PF4: variants seen among roughly 807,000 people sequenced by gnomAD.
PF4 encodes C-X-C motif chemokine 4.
PF4 carries 8 observed loss-of-function variants against 6.9 expected under a neutral mutation model. That is an observed-to-expected ratio of 1.16 (90% CI 0.68 to 2.09). PF4 has a LOEUF of 2.09. PF4 is among the 30% of genes most tolerant of loss of function. The pLI is 0.00. For missense variants in PF4, 111 were observed against 122.9 expected, an observed-to-expected ratio of 0.90 and a Z score of 0.46; for synonymous variants, 55 against 56.5, an observed-to-expected ratio of 0.97 and a Z score of 0.12.
chr4:73,981,294 G>T lies in PF4; in HGVS notation c.219-3C>A. ...TCCTTCCATTCTTCAGCGTGGCTCTGGCAGGGAAAAGAGAAGAGATGTGAC... is the reference window on the plus strand; with the variant it reads ...TCCTTCCATTCTTCAGCGTGGCTCTTGCAGGGAAAAGAGAAGAGATGTGAC... On this transcript the variant is annotated splice_region_variant and splice_polypyrimidine_tract_variant and intron_variant, in intron 2 of 2. Transcript: ENST00000296029. The T allele has an allele frequency of 8.1e-6, 13 of 1,614,164 alleles. No homozygotes were observed. Among genetic ancestry groups the T allele is most frequent in the Non-Finnish European group, 1.0e-5 (12 of 1,179,988 alleles).
Position 73,981,432 on chromosome 4 carries a change from G to C in PF4, c.203C>G (p.Pro68Arg). 2 of 1,614,188 alleles carry C rather than the reference G, an allele frequency of 1.2e-6. No individual in the cohort carries two copies. Among genetic ancestry groups the C allele is most frequent in the Non-Finnish European group, 1.7e-6 (2 of 1,180,038 alleles). Residue 68 changes from proline (P) to arginine (R), a missense_variant, in exon 2 of 3, where the codon CCC becomes CGC. Physicochemically the swap from Pro to Arg is moderately radical, Grantham distance 103. Coordinates refer to ENST00000296029, the MANE Select transcript of PF4 (RefSeq NM_002619.4). ...AAGGACTCACATCAGTTGGGCAGTG[G>C]GGCAGTGGGGTCCGGCCTTGATCAC... is the stretch of plus-strand genomic sequence containing the variant. ...LEVIKAGPHC[P>R]TAQLIATLKN...
chr4:73,981,988 C>G lies in PF4; in HGVS notation c.-35G>C, dbSNP rs1464872551. On this transcript the variant is annotated 5_prime_UTR_variant, in exon 1 of 3. Transcript: ENST00000296029. ...GAGCTTCCAGCAGGATCTCAGTGCTCAGTGCGATGGGAAACTCGGGCTGGG... is the reference window on the plus strand; with the variant it reads ...GAGCTTCCAGCAGGATCTCAGTGCTGAGTGCGATGGGAAACTCGGGCTGGG... 1 of 1,527,696 alleles carries G rather than the reference C, an allele frequency of 6.5e-7. No individual in the cohort carries two copies. The highest frequency in any genetic ancestry group is 1.4e-5 in the African/African-American group (1 of 72,306). 94.6% of individuals were successfully genotyped at this position (1,527,696 alleles called of 1,614,324 possible). A position where few individuals can be genotyped will look rare whatever the true frequency, so the allele number is the denominator to read the frequency against.
rs1039742157 is a variant in PF4 at position 73,981,938 on chromosome 4, C to T, written c.16G>A (p.Gly6Arg). Residue 6 changes from glycine to arginine, a missense_variant, in exon 1 of 3, where the codon GGG (glycine) becomes AGG (arginine). Coordinates refer to ENST00000296029, the MANE Select transcript of PF4 (RefSeq NM_002619.4). Reference sequence around the variant, plus strand: ...AGCCCGGGGCGTGAGGCGCAGAACCCGGCTGCGGAGCTCATGCTGCGGCAG... The same window carrying T: ...AGCCCGGGGCGTGAGGCGCAGAACCTGGCTGCGGAGCTCATGCTGCGGCAG... Reference protein sequence around the residue: MSSAAGFCASRPGLLF... With the variant: MSSAARFCASRPGLLF... 14 of 1,550,752 alleles carry T rather than the reference C, an allele frequency of 9.0e-6. No individual in the cohort carries two copies. Among genetic ancestry groups the T allele is most frequent in the African/African-American group, 2.7e-5 (2 of 72,882 alleles).
In PF4 at chr4:73,981,077, T is replaced by C; in HGVS notation, c.*127A>G. On this transcript the variant is annotated 3_prime_UTR_variant, in exon 3 of 3. Coordinates refer to ENST00000296029, the MANE Select transcript of PF4 (RefSeq NM_002619.4). ...AGAAGTATTTTGACTATACTACAAC[T>C]TGATTTATTTTGTTTATTTAAAATC... 1 of 707,420 alleles carries C rather than the reference T, an allele frequency of 1.4e-6. No homozygotes were observed. The allele number at this position is 707,420 out of a possible 1,614,324, so 43.8% of individuals were successfully genotyped here. A position where few individuals can be genotyped will look rare whatever the true frequency, so the allele number is the denominator to read the frequency against.
chr4:73,981,708 G>GC, intron 1 of PF4, 155 bp downstream of exon 1: 1 of 985,412 alleles, frequency 1.0e-6, no homozygotes, highest in South Asian at 4.7e-5. Context: ...GGTGGGAGGT[G>GC]CAGGTGCAGC....
upstream of PF4, chr4:73,982,063 C>G: frequency 1.2e-6 from 1 of 863,298 alleles, no homozygotes; most frequent in Non-Finnish European, 1.8e-6. Flanking sequence ...TTATTCCCGG[C>G]TGTCCTTCCA....
rs1317048279 is a variant in PF4 at position 73,981,080 on chromosome 4, ATTTAT to A, written c.*119_*123del. ...AGTATTTTGACTATACTACAACTTG[ATTTAT>A]TTTGTTTATTTAAAATCATAAGGAT... On this transcript the variant is annotated 3_prime_UTR_variant, in exon 3 of 3. Transcript: ENST00000296029. 1.4e-6 allele frequency: 1 copy of A among 718,348 alleles called. No individual in the cohort carries two copies. Among genetic ancestry groups the A allele is most frequent in the South Asian group, 1.9e-5 (1 of 51,710 alleles). 44.5% of individuals were successfully genotyped at this position (718,348 alleles called of 1,614,324 possible). A position where few individuals can be genotyped will look rare whatever the true frequency, so the allele number is the denominator to read the frequency against.
rs1321931468 is a variant in PF4 at position 73,981,072 on chromosome 4, A to T, written c.*132T>A. The T allele has an allele frequency of 4.3e-6, 3 of 697,560 alleles. No individual in the cohort carries two copies. Among genetic ancestry groups the T allele is most frequent in the Non-Finnish European group, 7.2e-6 (3 of 416,344 alleles). The allele number at this position is 697,560 out of a possible 1,614,324, so 43.2% of individuals were successfully genotyped here. A position where few individuals can be genotyped will look rare whatever the true frequency, so the allele number is the denominator to read the frequency against. ...TATTAAGAAGTATTTTGACTATACT[A>T]CAACTTGATTTATTTTGTTTATTTA... On this transcript the variant is annotated 3_prime_UTR_variant, in exon 3 of 3. Coordinates refer to ENST00000296029, the MANE Select transcript of PF4 (RefSeq NM_002619.4).
chr4:73,982,112 C>A, upstream of PF4: 1 of 319,516 alleles, frequency 3.1e-6, no homozygotes, highest in Non-Finnish European at 5.8e-6. Flanking sequence ...AACTGCGGTG[C>A]GGAAACTAAG....
chr4:73,980,997 AT>A lies in PF4; in HGVS notation c.*206del, dbSNP rs1237238873. ...AATACTTTTTGCTTAAAATACCGGA[AT>A]TTTTTTCTTCCATGAAATTGTTATG... On this transcript the variant is annotated 3_prime_UTR_variant, in exon 3 of 3. Coordinates refer to ENST00000296029, the MANE Select transcript of PF4 (RefSeq NM_002619.4). The A allele has an allele frequency of 5.4e-6, 3 of 553,208 alleles. No individual in the cohort carries two copies. The highest frequency in any genetic ancestry group is 9.6e-6 in the Non-Finnish European group (3 of 313,152). 34.3% of individuals were successfully genotyped at this position (553,208 alleles called of 1,614,324 possible).
At position 73,981,409 on chromosome 4, in the gene PF4, G is replaced by A. The variant is rs780687568; in HGVS notation, c.218+8C>T. 5.6e-6 allele frequency: 9 copies of A among 1,614,222 alleles called. No individual in the cohort carries two copies. Among genetic ancestry groups the A allele is most frequent in the Middle Eastern group, 1.6e-4 (1 of 6,062 alleles). On this transcript the variant is annotated splice_region_variant and intron_variant, in intron 2 of 2. Transcript: ENST00000296029. ...GGGAGCACTGACAGATGCAGTGCAA[G>A]GACTCACATCAGTTGGGCAGTGGGG...
chr4:73,980,998 T>A lies in PF4; in HGVS notation c.*206A>T, dbSNP rs1337688338. On this transcript the variant is annotated 3_prime_UTR_variant, in exon 3 of 3. Transcript: ENST00000296029. ...ATACTTTTTGCTTAAAATACCGGAATTTTTTTCTTCCATGAAATTGTTATG... is the reference window on the plus strand; with the variant it reads ...ATACTTTTTGCTTAAAATACCGGAAATTTTTTCTTCCATGAAATTGTTATG... 1.8e-6 allele frequency: 1 copy of A among 555,836 alleles called. No homozygotes were observed. Among genetic ancestry groups the A allele is most frequent in the Non-Finnish European group, 3.2e-6 (1 of 314,696 alleles). 34.4% of individuals were successfully genotyped at this position (555,836 alleles called of 1,614,324 possible). A position where few individuals can be genotyped will look rare whatever the true frequency, so the allele number is the denominator to read the frequency against.
In PF4 at chr4:73,981,260, A is replaced by G. The variant is rs201899718; in HGVS notation, c.250T>C (p.Leu84=). 29 of 1,614,124 alleles carry G rather than the reference A, an allele frequency of 1.8e-5. No homozygotes were observed. Among genetic ancestry groups the G allele is most frequent in the Middle Eastern group, 3.3e-4 (2 of 6,084 alleles). Residue 84 remains leucine, a synonymous_variant, in exon 3 of 3, where the codon TTG becomes CTG. Coordinates refer to ENST00000296029, the MANE Select transcript of PF4 (RefSeq NM_002619.4). ...ATLKNGRKIC[L]DLQAPLYKKI... Reference sequence around the variant, plus strand: ...TTGTACAGCGGGGCTTGCAGGTCCAAGCAAATTTTCCTTCCATTCTTCAGC... The same window carrying G: ...TTGTACAGCGGGGCTTGCAGGTCCAGGCAAATTTTCCTTCCATTCTTCAGC...
chr4:73,981,509 C>A lies in PF4; in HGVS notation c.126G>T (p.Leu42=). ...EAEEDGDLQC[L]CVKTTSQVRP... ...GGACCTGGGAGGTGGTCTTCACACA[C>A]AGGCACTGCAGGTCCCCATCTTCTT... The change falls in exon 2 of 3, where the codon CTG becomes CTT. Residue 42 remains leucine, a synonymous_variant. Transcript: ENST00000296029. 6.2e-7 allele frequency: 1 copy of A among 1,614,018 alleles called. No homozygotes were observed. The highest frequency in any genetic ancestry group is 8.5e-7 in the Non-Finnish European group (1 of 1,179,942).
chr4:73,981,719 G>A (rs935575125), intron 1 of PF4, 144 bp downstream of exon 1: 24 of 1,474,974 alleles, frequency 1.6e-5, no homozygotes, highest in African/African-American at 1.1e-4. Flanking sequence ...CAGGTGCAGC[G>A]CCTGGCACTG....
Position 73,980,991 on chromosome 4 carries a change from A to G in PF4, c.*213T>C. The G allele has an allele frequency of 1.8e-6, 1 of 547,642 alleles. No homozygotes were observed. Among genetic ancestry groups the G allele is most frequent in the South Asian group, 2.4e-5 (1 of 41,836 alleles). The allele number at this position is 547,642 out of a possible 1,614,324, so 33.9% of individuals were successfully genotyped here. On this transcript the variant is annotated 3_prime_UTR_variant, in exon 3 of 3. Coordinates refer to ENST00000296029, the MANE Select transcript of PF4 (RefSeq NM_002619.4). ...CTTCAAAATACTTTTTGCTTAAAATACCGGAATTTTTTTCTTCCATGAAAT... is the reference window on the plus strand; with the variant it reads ...CTTCAAAATACTTTTTGCTTAAAATGCCGGAATTTTTTTCTTCCATGAAAT...
At position 73,981,168 on chromosome 4, in the gene PF4, C is replaced by A; in HGVS notation, c.*36G>T. On this transcript the variant is annotated 3_prime_UTR_variant, in exon 3 of 3. Coordinates refer to ENST00000296029, the MANE Select transcript of PF4 (RefSeq NM_002619.4). ...ATTGAAACTGGAAAAAAGAAGTATG[C>A]TATATAGCAAATGCACACACGTAGG... 1 of 1,385,032 alleles carries A rather than the reference C, an allele frequency of 7.2e-7. No individual in the cohort carries two copies. Among genetic ancestry groups the A allele is most frequent in the Non-Finnish European group, 1.0e-6 (1 of 971,166 alleles). The allele number at this position is 1,385,032 out of a possible 1,614,324, so 85.8% of individuals were successfully genotyped here.
chr4:73,981,624 CT>C (rs1363183424), intron 1 of PF4, 81 bp from the exon 2 acceptor site: 3 of 1,524,992 alleles, frequency 2.0e-6, no homozygotes, highest in Non-Finnish European at 2.7e-6. Context: ...ACTTTAGGGA[CT>C]TTTTCCACTA....
At position 73,981,987 on chromosome 4, in the gene PF4, T is replaced by A; in HGVS notation, c.-34A>T. ...AGAGCTTCCAGCAGGATCTCAGTGC[T>A]CAGTGCGATGGGAAACTCGGGCTGG... On this transcript the variant is annotated 5_prime_UTR_variant, in exon 1 of 3. Transcript: ENST00000296029. 6.6e-7 allele frequency: 1 copy of A among 1,522,856 alleles called. No individual in the cohort carries two copies. The highest frequency in any genetic ancestry group is 8.9e-7 in the Non-Finnish European group (1 of 1,122,934). 94.3% of individuals were successfully genotyped at this position (1,522,856 alleles called of 1,614,324 possible). A position where few individuals can be genotyped will look rare whatever the true frequency, so the allele number is the denominator to read the frequency against.
Sources: gnomAD v4.1 joint callset for allele counts on GRCh38, gnomAD v4.1.1 for gene constraint, MANE v1.5 for transcripts, NCBI Gene and HGNC (gene_info 2026-07-23, HGNC 2026-07-21) for gene names.